Variants in ZNF469 observed in about 807,000 individuals in gnomAD.
ZNF469 encodes zinc finger protein 469.
Under a neutral mutation model 1.0 loss-of-function variants are expected in ZNF469, and 1 was observed. The observed-to-expected ratio is 1.00, with a 90% CI of 0.35 to 4.73. The LOEUF is 4.73. Among genes scored for constraint, ZNF469 ranks in the 30% most tolerant of loss-of-function variants. The probability of loss-of-function intolerance (pLI) is 0.16; values close to 1 mark genes in which losing one functional copy is unlikely to be tolerated. For synonymous variants in ZNF469, 2,703 were observed against 2,363.4 expected (o/e 1.14, Z -4.17); for missense variants, 6,100 against 5,356.3 (o/e 1.14, Z -4.33).
At chr16:88,205,339 C>T in the ZNF469 span, among the ~76,000 whole-genome samples, 1 of 152,108 alleles carries the variant, frequency 6.6e-6, no homozygotes. This position sits in a 1 kb window ranked among gnomAD's most constrained non-coding sequence, Gnocchi z 4.2. Context: ...AGCAGGGCTT[C>T]GAGGAGGCTC....
Position 88,430,341 on chromosome 16 carries a change from T to C in ZNF469, c.2871T>C (p.Asp957=). Residue 957 remains aspartate, a synonymous_variant, in exon 3 of 3, where the codon GAT becomes GAC. Transcript: ENST00000565624. The part of the protein sequence containing the change: ...RGKQLKLFRK[D]LDSGGAAEGS... ...AGCAGTTGAAGCTGTTCCGGAAGGA[T>C]CTGGACTCGGGCGGCGCAGCAGAGG... The C allele has an allele frequency of 6.6e-7, 1 of 1,514,074 alleles. No individual in the cohort carries two copies. The highest frequency in any genetic ancestry group is 8.8e-7 in the Non-Finnish European group (1 of 1,135,502). 93.8% of individuals were successfully genotyped at this position (1,514,074 alleles called of 1,614,324 possible).
the ZNF469 span, among the ~76,000 whole-genome samples, chr16:88,363,960 C>T: frequency 6.6e-6 from 1 of 152,238 alleles, no homozygotes; most frequent in Non-Finnish European, 1.5e-5. Flanking sequence ...ATGGTGTCTA[C>T]TGGTGAACCG....
At chr16:88,279,435 C>A in the ZNF469 span, among the ~76,000 whole-genome samples, 1 of 146,470 alleles carries the variant, frequency 6.8e-6, no homozygotes, top group African/African-American at 2.5e-5. Context: ...TCGGTCAGTA[C>A]CATGTAGATA....
chr16:88,400,622 A>G (rs1599350123), intron 1 of ZNF469, among the ~76,000 whole-genome samples: 1 of 152,172 alleles, frequency 6.6e-6, no homozygotes, highest in African/African-American at 2.4e-5. Context: ...GAGCAGCAGC[A>G]ACAGCTGGAC....
intron 1 of ZNF469, among the ~76,000 whole-genome samples, chr16:88,408,159 G>C (rs912810317): frequency 6.6e-6 from 1 of 152,048 alleles, no homozygotes; most frequent in African/African-American, 2.4e-5. Context: ...TGTTTTTTGT[G>C]TGTGTTTTTT....
the ZNF469 span, among the ~76,000 whole-genome samples, chr16:88,224,860 C>T: frequency 2.0e-5 from 3 of 152,228 alleles, no homozygotes; most frequent in Admixed American, 2.0e-4. Context: ...CAGTGGGTCC[C>T]CAGCGGCTCA....
chr16:88,313,924 C>T, the ZNF469 span, among the ~76,000 whole-genome samples: 1 of 148,122 alleles, frequency 6.8e-6, no homozygotes, highest in African/African-American at 2.5e-5. Flanking sequence ...GTAATTCAGG[C>T]AGTGCTGATG....
the ZNF469 span, among the ~76,000 whole-genome samples, chr16:88,331,171 T>G: frequency 2.5e-3 from 359 of 144,486 alleles, no homozygotes; most frequent in African/African-American, 8.3e-3. Context: ...ATCACCATCA[T>G]TACCATCACC....
At chr16:88,155,210 C>T in the ZNF469 span, among the ~76,000 whole-genome samples, 1 of 152,204 alleles carries the variant, frequency 6.6e-6, no homozygotes, top group African/African-American at 2.4e-5. Context: ...CTGCAAGTGC[C>T]GGCCCACAGG....
chr16:88,301,139 C>T, the ZNF469 span, among the ~76,000 whole-genome samples: 2 of 148,624 alleles, frequency 1.3e-5, no homozygotes, highest in East Asian at 4.1e-4. Flanking sequence ...AAGATAACTC[C>T]GACGCACAGT....
the ZNF469 span, among the ~76,000 whole-genome samples, chr16:88,102,498 G>A: frequency 2.6e-5 from 4 of 152,210 alleles, no homozygotes; most frequent in Admixed American, 1.3e-4. Context: ...GTGAGACTTC[G>A]TCTCAAAAAA....
the ZNF469 span, among the ~76,000 whole-genome samples, chr16:88,230,208 A>G: frequency 1.3e-5 from 2 of 152,238 alleles, no homozygotes; most frequent in Non-Finnish European, 1.5e-5. Flanking sequence ...AGAAATTCCA[A>G]GGAAGAGAGA....
At chr16:88,379,440 G>A (rs1357923860), upstream of ZNF469, among the ~76,000 whole-genome samples, 37 of 152,160 alleles carry the variant, frequency 2.4e-4, no homozygotes, top group East Asian at 1.9e-4. Flanking sequence ...AGGGGTGGAC[G>A]TGGCCCTCCT....
chr16:88,146,455 C>T, the ZNF469 span, among the ~76,000 whole-genome samples: 10,155 of 152,214 alleles, frequency 0.067, 503 homozygotes, highest in Admixed American at 0.14. Context: ...ACCCGGGTCT[C>T]ACGCCCCCAG....
the ZNF469 span, among the ~76,000 whole-genome samples, chr16:88,264,956 G>C: frequency 1.3e-5 from 2 of 152,128 alleles, no homozygotes; most frequent in East Asian, 3.9e-4. Flanking sequence ...GGCACACAGG[G>C]CTGACTGCGG....
Position 88,428,419 on chromosome 16 carries a change from G to A in ZNF469, c.949G>A (p.Ala317Thr), listed in dbSNP as rs766274133. The change falls in exon 3 of 3, where the codon GCC (alanine) becomes ACC (threonine). Residue 317 changes from alanine (A) to threonine (T), a missense_variant. Coordinates refer to ENST00000565624, the MANE Select transcript of ZNF469 (RefSeq NM_001367624.2). ...HQPQGAWPEE[A>T]VGTGPAYPLP... The stretch of plus-strand genomic sequence containing the variant: ...GCCCCAGGGAGCGTGGCCGGAGGAG[G>A]CCGTGGGCACGGGCCCTGCCTACCC... 99 of 1,548,008 alleles carry A rather than the reference G, an allele frequency of 6.4e-5. No individual in the cohort carries two copies. Among genetic ancestry groups the A allele is most frequent in the Non-Finnish European group, 5.2e-6 (6 of 1,146,812 alleles).
At chr16:88,395,470 G>A (rs1216130477) in intron 1 of ZNF469, among the ~76,000 whole-genome samples, 6 of 152,012 alleles carry the variant, frequency 3.9e-5, no homozygotes, top group Non-Finnish European at 8.8e-5. Flanking sequence ...TACACGTATT[G>A]TATAAATAAT....
intron 1 of ZNF469, among the ~76,000 whole-genome samples, chr16:88,396,980 A>C (rs1904699375): frequency 7.0e-6 from 1 of 143,864 alleles, no homozygotes; most frequent in African/African-American, 2.6e-5. Context: ...CCAGGAGGAG[A>C]CCCTCCTGAA....
the ZNF469 span, among the ~76,000 whole-genome samples, chr16:88,187,173 G>C: frequency 6.6e-5 from 10 of 152,166 alleles, no homozygotes; most frequent in African/African-American, 2.4e-4. Context: ...GGTGGGGGGA[G>C]CCCTGAGCGG....
Sources: gnomAD v4.1 joint callset for allele counts (sites outside exome capture counted in the v4.1 genomes callset) on GRCh38, gnomAD v4.1.1 for gene constraint, Gnocchi (gnomAD v3.1) non-coding constraint, MANE v1.5 for transcripts, NCBI Gene and HGNC (gene_info 2026-07-23, HGNC 2026-07-21) for gene names.